NEK9: variants seen among roughly 807,000 people sequenced by gnomAD.
NEK9 encodes the protein serine/threonine-protein kinase Nek9.
Under a neutral mutation model 123.4 loss-of-function variants are expected in NEK9, and 75 were observed. The ratio of observed to expected loss-of-function variants is 0.61; its 90% CI spans 0.50 to 0.74. NEK9 has a LOEUF of 0.74. Among genes scored for constraint, NEK9 ranks in the 30% least tolerant of loss-of-function variants. The probability of loss-of-function intolerance (pLI) is 0.00; values close to 1 mark genes in which losing one functional copy is unlikely to be tolerated. For synonymous variants in NEK9, 438 were observed against 458.7 expected, an observed-to-expected ratio of 0.95 and a Z score of 0.58; for missense variants, 952 against 1,214.4, an observed-to-expected ratio of 0.78 and a Z score of 3.21.
At chr14:75,095,305 T>C in intron 18 of NEK9, 67 bp downstream of exon 18, 1 of 1,109,120 alleles carries the variant, frequency 9.0e-7, no homozygotes, top group Non-Finnish European at 1.3e-6. Context: ...TTTTGGAGTC[T>C]ACATGGAATC....
chr14:75,101,294 G>C (rs1002019123), intron 15 of NEK9, 141 bp from the exon 16 acceptor site: 1 of 890,150 alleles, frequency 1.1e-6, no homozygotes, highest in Non-Finnish European at 1.7e-6. Context: ...CCTGGACCTA[G>C]GACAAATACA....
chr14:75,121,073 T>C, intron 3 of NEK9, 46 bp downstream of exon 3: 2 of 1,465,542 alleles, frequency 1.4e-6, no homozygotes, highest in Non-Finnish European at 1.9e-6. Flanking sequence ...AATGCAAGAA[T>C]TACAACACTA....
intron 9 of NEK9, 101 bp from the exon 10 acceptor site, chr14:75,109,978 A>G: frequency 2.7e-6 from 3 of 1,131,270 alleles, no homozygotes; most frequent in Non-Finnish European, 3.8e-6. Context: ...CAATTATGGT[A>G]TGAGAAAGTA....
At chr14:75,110,797 C>T (rs146787127) in intron 8 of NEK9, among the ~76,000 whole-genome samples, 115 of 152,196 alleles carry the variant, frequency 7.6e-4, no homozygotes, top group African/African-American at 2.7e-3. Flanking sequence ...AGCCGCAACA[C>T]CCTTCCCCAA....
intron 18 of NEK9, among the ~76,000 whole-genome samples, chr14:75,092,159 T>C (rs1178337681): frequency 1.3e-5 from 2 of 151,630 alleles, no homozygotes; most frequent in Non-Finnish European, 2.9e-5. Context: ...TTTGTATTTT[T>C]AGTAGAGGCG....
rs1376564795 is a variant in NEK9, at chr14:75,116,049, G to A, written c.762+1146C>T. On this transcript the variant is annotated intron_variant, in intron 6 of 21. Transcript: ENST00000238616. The stretch of plus-strand genomic sequence containing the variant: ...ATTTGGAAGGGTTTTAGACTACCTG[G>A]CAAAACCACAGCTATATAAAAAAAG... 2.0e-5 allele frequency among the ~76,000 whole-genome samples: 3 copies of A among 152,174 alleles called. No homozygotes were observed. In the East Asian group the frequency reaches 5.8e-4, roughly 29 times the overall value.
chr14:75,088,800 A>G (rs1399943098), intron 19 of NEK9, among the ~76,000 whole-genome samples, 159 bp from the exon 20 acceptor site: 1 of 152,142 alleles, frequency 6.6e-6, no homozygotes, highest in African/African-American at 2.4e-5. Context: ...ACCTGTGAAA[A>G]AACTGCCACC....
At chr14:75,087,304 G>C in intron 20 of NEK9, 74 bp from the exon 21 acceptor site, 2 of 1,088,442 alleles carry the variant, frequency 1.8e-6, no homozygotes, top group Non-Finnish European at 1.4e-6. Context: ...CTTCCTCTAA[G>C]TGCAATCGGA....
At chr14:75,107,650 T>C (rs1894823697) in intron 10 of NEK9, among the ~76,000 whole-genome samples, 163 bp from the exon 11 acceptor site, 1 of 152,104 alleles carries the variant, frequency 6.6e-6, no homozygotes, top group Admixed American at 6.6e-5. Context: ...ATTGTAGACA[T>C]GAACCACCAT....
At chr14:75,124,873 C>G (rs1189419698) in intron 1 of NEK9, among the ~76,000 whole-genome samples, 4 of 150,266 alleles carry the variant, frequency 2.7e-5, no homozygotes, top group African/African-American at 9.8e-5. Context: ...TGGGCTGAAG[C>G]AATCCTCCCA....
chr14:75,112,650 C>T (rs1894993915), intron 8 of NEK9, among the ~76,000 whole-genome samples: 1 of 152,090 alleles, frequency 6.6e-6, no homozygotes, highest in South Asian at 2.1e-4. Flanking sequence ...CAGTGAGACC[C>T]CGTCTCTATA....
chr14:75,093,280 G>A (rs1283825953), intron 18 of NEK9, among the ~76,000 whole-genome samples: 2 of 152,118 alleles, frequency 1.3e-5, no homozygotes, highest in Non-Finnish European at 2.9e-5. Context: ...AAGATCTACT[G>A]GACACTGCTG....
At chr14:75,106,334 G>A (rs533076014) in intron 12 of NEK9, 168 bp downstream of exon 12, 1 of 647,194 alleles carries the variant, frequency 1.5e-6, no homozygotes, top group South Asian at 2.0e-5. Flanking sequence ...ACTCCAGCCT[G>A]GGTGACAGAG....
chr14:75,087,404 A>C (rs913807751), intron 20 of NEK9, among the ~76,000 whole-genome samples, 174 bp from the exon 21 acceptor site: 1 of 152,250 alleles, frequency 6.6e-6, no homozygotes, highest in African/African-American at 2.4e-5. Flanking sequence ...AGCGATGGGC[A>C]CTGACATAAC....
rs1426530940 is a variant in NEK9 at position 75,081,262 on chromosome 14, C to G, written c.*3302G>C. The G allele has an allele frequency of 6.6e-6, 1 of 152,178 alleles. No homozygotes were observed. Among genetic ancestry groups the G allele is most frequent in the Admixed American group, 6.5e-5 (1 of 15,274 alleles). 9.4% of individuals were successfully genotyped at this position (152,178 alleles called of 1,614,324 possible). On this transcript the variant is annotated 3_prime_UTR_variant, in exon 22 of 22. Coordinates refer to ENST00000238616, the MANE Select transcript of NEK9 (RefSeq NM_033116.6). This position sits in a 1 kb window ranked among gnomAD's most constrained non-coding sequence, Gnocchi z 4.2. Reference sequence around the variant, plus strand: ...TCTGGCCCGAGACAGTATTTCTTAACAGCAATGTATGTAATGCAGCACAGC... The same window carrying G: ...TCTGGCCCGAGACAGTATTTCTTAAGAGCAATGTATGTAATGCAGCACAGC...
At chr14:75,114,416 G>A in intron 6 of NEK9, 103 bp from the exon 7 acceptor site, 1 of 884,224 alleles carries the variant, frequency 1.1e-6, no homozygotes, top group Admixed American at 2.1e-5. Context: ...TTAAAGAATT[G>A]GCAATAGGTC....
At chr14:75,110,754 G>C (rs2139777905) in intron 8 of NEK9, among the ~76,000 whole-genome samples, 1 of 151,916 alleles carries the variant, frequency 6.6e-6, no homozygotes, top group Non-Finnish European at 1.5e-5. Flanking sequence ...TCCCAAATGA[G>C]CTTTTCTTTC....
chr14:75,084,664 GTTCCT>G lies in NEK9; in HGVS notation c.2835_2839del (p.Lys945AsnfsTer15). 6.2e-7 allele frequency: 1 copy of G among 1,614,096 alleles called. No individual in the cohort carries two copies. On this transcript the variant is annotated frameshift_variant, in exon 22 of 22. Transcript: ENST00000238616. LOFTEE classifies it high-confidence loss of function. ...TTCCATCTCTTCCTTTGCTGTCTGAGTTCCTTTGGAATGCATCCCCACCTGTCCGG... is the reference window on the plus strand; with the variant it reads ...TTCCATCTCTTCCTTTGCTGTCTGAGTTGGAATGCATCCCCACCTGTCCGG...
chr14:75,116,064 T>C (rs1895132349), intron 6 of NEK9, among the ~76,000 whole-genome samples: 1 of 152,090 alleles, frequency 6.6e-6, no homozygotes, highest in Non-Finnish European at 1.5e-5. Flanking sequence ...ACCACAGCTA[T>C]ATAAAAAAAG....
Sources: gnomAD v4.1 joint callset for allele counts (sites outside exome capture counted in the v4.1 genomes callset) on GRCh38, gnomAD v4.1.1 for gene constraint, Gnocchi (gnomAD v3.1) non-coding constraint, MANE v1.5 for transcripts, NCBI Gene and HGNC (gene_info 2026-07-23, HGNC 2026-07-21) for gene names.